Variants in TAFA2 observed in about 807,000 individuals in gnomAD.
TAFA2 encodes chemokine-like protein TAFA-2.
In TAFA2, 7 loss-of-function variants were observed where a neutral mutation model predicts 18.8. That is an observed-to-expected ratio of 0.37 (90% CI 0.21 to 0.70). The LOEUF (loss-of-function observed/expected upper bound fraction) is 0.70, where lower values mean the gene tolerates loss of function less well. TAFA2 is among the 30% of genes least tolerant of loss of function. TAFA2 has a pLI of 0.53. For missense variants in TAFA2, 122 were observed against 158.1 expected, an observed-to-expected ratio of 0.77 and a Z score of 1.23; for synonymous variants, 60 against 54.2, an observed-to-expected ratio of 1.11 and a Z score of -0.47.
At position 62,191,954 on chromosome 12, in the gene TAFA2, G is replaced by C. The variant is rs10877808; in HGVS notation, c.-697C>G. The C allele has an allele frequency of 0.18, 26,738 of 152,336 alleles. 2,655 individuals are homozygous for C. The highest frequency in any genetic ancestry group is 0.27 in the African/African-American group (11,386 of 41,468). 9.4% of individuals were successfully genotyped at this position (152,336 alleles called of 1,614,324 possible). A position where few individuals can be genotyped will look rare whatever the true frequency, so the allele number is the denominator to read the frequency against. On this transcript the variant is annotated 5_prime_UTR_variant, in exon 1 of 5. Transcript: ENST00000416284. ...CGGCCACGCACTTCTCGAGTTCCCT[G>C]GCTCTCGCAGGTACCGGGTCTCCAA...
chr12:62,066,254 A>T (rs551181663), intron 1 of TAFA2, among the ~76,000 whole-genome samples: 28 of 151,914 alleles, frequency 1.8e-4, no homozygotes, highest in Middle Eastern at 3.4e-3. Context: ...AGTATCCATC[A>T]CCTCAAGCAT....
chr12:61,745,595 A>G (rs1868664305), intron 4 of TAFA2, among the ~76,000 whole-genome samples: 1 of 152,038 alleles, frequency 6.6e-6, no homozygotes, highest in Admixed American at 6.6e-5. Context: ...AACATCCAAC[A>G]TACTATATAT....
At chr12:62,086,986 A>C (rs1325071927) in intron 1 of TAFA2, among the ~76,000 whole-genome samples, 1 of 152,188 alleles carries the variant, frequency 6.6e-6, no homozygotes, top group African/African-American at 2.4e-5. Context: ...CACATGCTAC[A>C]ATATGGATTA....
At chr12:61,860,719 C>G (rs1302677799) in intron 2 of TAFA2, among the ~76,000 whole-genome samples, 1 of 152,120 alleles carries the variant, frequency 6.6e-6, no homozygotes, top group Non-Finnish European at 1.5e-5. Flanking sequence ...GATGTCTAGC[C>G]CTTCCTCTGT....
intron 1 of TAFA2, among the ~76,000 whole-genome samples, chr12:62,027,126 T>G (rs1381295281): frequency 2.0e-5 from 3 of 152,170 alleles, no homozygotes; most frequent in Non-Finnish European, 1.5e-5. Context: ...AGTATAAAAT[T>G]AGACAAAGTC....
intron 4 of TAFA2, among the ~76,000 whole-genome samples, chr12:61,730,744 C>G (rs1220645678): frequency 6.6e-6 from 1 of 152,112 alleles, no homozygotes; most frequent in African/African-American, 2.4e-5. Context: ...ACAGGCCAGT[C>G]TCATTCCTGC....
intron 1 of TAFA2, among the ~76,000 whole-genome samples, chr12:62,075,052 A>C (rs1201824627): frequency 6.6e-6 from 1 of 152,224 alleles, no homozygotes; most frequent in Non-Finnish European, 1.5e-5. Context: ...CACAAATGAA[A>C]TATGGACATA....
chr12:62,224,112 C>T (rs1047254762), intron 1 of TAFA2, among the ~76,000 whole-genome samples: 1 of 151,360 alleles, frequency 6.6e-6, no homozygotes, highest in Non-Finnish European at 1.5e-5. Context: ...CACACACACA[C>T]ACACACACAA....
chr12:61,810,728 TG>T lies in TAFA2; in HGVS notation c.107-55705del, dbSNP rs1331826027. Among the ~76,000 whole-genome samples, 2 of 151,262 alleles carry T rather than the reference TG, an allele frequency of 1.3e-5. 1 individual carries two copies. The highest frequency in any genetic ancestry group is 4.9e-5 in the African/African-American group (2 of 40,594). ...CAGGCCAGTAGAATAAAGGTAAAAG[TG>T]AAGTGTTGCACTTCCAGGCTTGGGT... On this transcript the variant is annotated intron_variant, in intron 2 of 4. Coordinates refer to ENST00000416284, the MANE Select transcript of TAFA2 (RefSeq NM_178539.5).
chr12:61,753,832 T>C lies in TAFA2; in HGVS notation c.260-86A>G, dbSNP rs1869136210. ...ACCTTTAAAGAGGAACAAAAGCCACTAATTTTTCCTACCAGTGGGAATACA... is the reference window on the plus strand; with the variant it reads ...ACCTTTAAAGAGGAACAAAAGCCACCAATTTTTCCTACCAGTGGGAATACA... On this transcript the variant is annotated intron_variant, in intron 3 of 4. Transcript: ENST00000416284. 3 of 1,220,012 alleles carry C rather than the reference T, an allele frequency of 2.5e-6. No individual in the cohort carries two copies. In the South Asian group the frequency reaches 5.4e-5, roughly 22 times the overall value. The allele number at this position is 1,220,012 out of a possible 1,614,324, so 75.6% of individuals were successfully genotyped here. A position where few individuals can be genotyped will look rare whatever the true frequency, so the allele number is the denominator to read the frequency against.
chr12:61,738,850 G>T (rs1228527993), intron 4 of TAFA2, among the ~76,000 whole-genome samples: 1 of 152,092 alleles, frequency 6.6e-6, no homozygotes, highest in African/African-American at 2.4e-5. Flanking sequence ...TATGAATAGA[G>T]ATAGTAGAGG....
At chr12:61,786,125 A>C (rs998611066) in intron 2 of TAFA2, among the ~76,000 whole-genome samples, 3 of 151,668 alleles carry the variant, frequency 2.0e-5, no homozygotes, top group African/African-American at 7.3e-5. Context: ...CACAAAGATT[A>C]AAAGAAACAG....
intron 1 of TAFA2, among the ~76,000 whole-genome samples, chr12:62,223,614 T>C (rs954596701): frequency 1.3e-5 from 2 of 151,928 alleles, no homozygotes; most frequent in African/African-American, 4.8e-5. Flanking sequence ...TAAATGCAAG[T>C]GCTAAAACTA....
intron 1 of TAFA2, among the ~76,000 whole-genome samples, chr12:62,230,036 T>A: frequency 6.6e-6 from 1 of 152,124 alleles, no homozygotes; most frequent in East Asian, 1.9e-4. Flanking sequence ...ATAATAGTCT[T>A]TAATGATCCT....
rs1259775021 is a variant in TAFA2, at chr12:61,812,715, G to GC, written c.106+54604dup. 4.0e-5 allele frequency among the ~76,000 whole-genome samples: 6 copies of GC among 150,428 alleles called. 1 individual carries two copies. The highest frequency in any genetic ancestry group is 1.2e-4 in the African/African-American group (5 of 40,070). ...CTCATGAGTAGCTGGGATTACAGGCGCCCCCTGCCACGCCCGGATAACTTT... is the reference window on the plus strand; with the variant it reads ...CTCATGAGTAGCTGGGATTACAGGCGCCCCCCTGCCACGCCCGGATAACTTT... On this transcript the variant is annotated intron_variant, in intron 2 of 4. Coordinates refer to ENST00000416284, the MANE Select transcript of TAFA2 (RefSeq NM_178539.5).
chr12:62,040,000 T>C (rs1010061236), intron 1 of TAFA2, among the ~76,000 whole-genome samples: 2 of 152,154 alleles, frequency 1.3e-5, no homozygotes, highest in African/African-American at 4.8e-5. Flanking sequence ...TTACTCAGGG[T>C]TGCTTCTAGA....
intron 2 of TAFA2, among the ~76,000 whole-genome samples, chr12:61,858,447 T>C (rs981278097): frequency 6.6e-6 from 1 of 152,102 alleles, no homozygotes; most frequent in African/African-American, 2.4e-5. Flanking sequence ...TATTTTTTAT[T>C]ATTATTATAC....
chr12:61,964,825 T>A (rs931494364), intron 1 of TAFA2, among the ~76,000 whole-genome samples: 10 of 151,900 alleles, frequency 6.6e-5, no homozygotes, highest in African/African-American at 2.4e-4. Flanking sequence ...CCAAAAGACA[T>A]GTGAACTTCC....
intron 1 of TAFA2, among the ~76,000 whole-genome samples, chr12:62,061,543 T>G (rs1164713028): frequency 1.3e-5 from 2 of 152,212 alleles, no homozygotes; most frequent in African/African-American, 4.8e-5. Flanking sequence ...GATATAAGAC[T>G]GTATATGCTA....
Sources: allele counts gnomAD v4.1 joint callset (sites outside exome capture counted in the v4.1 genomes callset), GRCh38; gene constraint gnomAD v4.1.1; transcripts MANE v1.5; gene names NCBI Gene and HGNC (gene_info 2026-07-23, HGNC 2026-07-21).